Variants in GUF1 observed in about 807,000 individuals in gnomAD.
GUF1 encodes the protein GTP binding elongation factor GUF1.
GUF1 carries 78 observed loss-of-function variants against 82.4 expected under a neutral mutation model. That is an observed-to-expected ratio of 0.95 (90% confidence interval 0.79 to 1.14). The LOEUF (loss-of-function observed/expected upper bound fraction) is 1.14. GUF1 is among the 50% of genes most tolerant of loss of function. The pLI, the probability that GUF1 is intolerant of heterozygous loss-of-function variation, is 0.00. For missense variants in GUF1, 814 were observed against 798.2 expected (o/e 1.02, Z -0.24); for synonymous variants, 279 against 282.3 (o/e 0.99, Z 0.12).
In GUF1 at chr4:44,689,295, C is replaced by T. The variant is rs1221168816; in HGVS notation, c.1088C>T (p.Pro363Leu). ...ATCATTGTATCCCCAGGAATGTATC[C>T]TCTAGACCAATCTGAATATAACAAT... is the stretch of plus-strand genomic sequence containing the variant. ...AKPMVFAGMYPLDQSEYNNLK... is the reference protein window; with the variant it reads ...AKPMVFAGMYLLDQSEYNNLK... The change falls in exon 10 of 17, where the codon CCT (proline) becomes CTT (leucine). Residue 363 changes from proline to leucine, a missense_variant. Pro to Leu is a moderately conservative substitution (Grantham distance 98, BLOSUM62 -3). Transcript: ENST00000281543. 1 of 1,603,028 alleles carries T rather than the reference C, an allele frequency of 6.2e-7. No individual in the cohort carries two copies. The highest frequency in any genetic ancestry group is 2.3e-5 in the East Asian group (1 of 44,338).
Position 44,683,287 on chromosome 4 carries a change from T to C in GUF1, c.638T>C (p.Val213Ala). The C allele has an allele frequency of 6.3e-7, 1 of 1,584,436 alleles. No individual in the cohort carries two copies. The highest frequency in any genetic ancestry group is 2.3e-5 in the East Asian group (1 of 43,640). Residue 213 changes from valine to alanine, a missense_variant, in exon 6 of 17, where the codon GTG becomes GCG. Coordinates refer to ENST00000281543, the MANE Select transcript of GUF1 (RefSeq NM_021927.3). ...PERVENQIEKVFDIPSDECIK... is the reference protein window; with the variant it reads ...PERVENQIEKAFDIPSDECIK... ...AGGGTTGAAAACCAAATTGAGAAAGTGTTTGATATTCCAAGTGATGAATGT... is the reference window on the plus strand; with the variant it reads ...AGGGTTGAAAACCAAATTGAGAAAGCGTTTGATATTCCAAGTGATGAATGT...
At chr4:44,685,906 A>G in intron 6 of GUF1, 53 bp from the exon 7 acceptor site, 1 of 1,257,516 alleles carries the variant, frequency 8.0e-7, no homozygotes, top group South Asian at 1.2e-5. Flanking sequence ...ATCAAGATAG[A>G]AAAGTATAGT....
rs1716121329 is a variant in GUF1 at position 44,699,995 on chromosome 4, T to G, written c.*1314T>G. 1.3e-5 allele frequency: 2 copies of G among 152,212 alleles called. No individual in the cohort carries two copies. The highest frequency in any genetic ancestry group is 1.3e-4 in the Admixed American group (2 of 15,284). The allele number at this position is 152,212 out of a possible 1,614,324, so 9.4% of individuals were successfully genotyped here. A position where few individuals can be genotyped will look rare whatever the true frequency, so the allele number is the denominator to read the frequency against. ...TCTCCAGAGCTCTCAGCTCCCATGT[T>G]TATTCAGCCAACGAACAAACCAGAC... On this transcript the variant is annotated 3_prime_UTR_variant, in exon 17 of 17. Transcript: ENST00000281543.
At chr4:44,689,698 A>T in intron 10 of GUF1, 145 bp from the exon 11 acceptor site, 1 of 704,768 alleles carries the variant, frequency 1.4e-6, no homozygotes, top group Non-Finnish European at 2.2e-6. Flanking sequence ...ATTTAATAAA[A>T]TTATGCTAGC....
Position 44,697,412 on chromosome 4 carries a change from A to G in GUF1, c.1840A>G (p.Lys614Glu). The G allele has an allele frequency of 6.4e-7, 1 of 1,562,960 alleles. No individual in the cohort carries two copies. The highest frequency in any genetic ancestry group is 8.7e-7 in the Non-Finnish European group (1 of 1,143,862). ...ACGAATTTTTCTCTTTTACAGTGTG[A>G]AAGCCTATAGGAAAAACGTTTTGGC... ...GSKIIARETV[K>E]AYRKNVLAKC... Residue 614 changes from lysine (K) to glutamate (E), a missense_variant, in exon 16 of 17, where the codon AAA becomes GAA. Coordinates refer to ENST00000281543, the MANE Select transcript of GUF1 (RefSeq NM_021927.3).
chr4:44,689,403 G>C lies in GUF1; in HGVS notation c.1196G>C (p.Gly399Ala). ...GATAGTAGCCTTGCTCTGGGTGCTGGCTGGAGGTAAGATTCATTCACATGT... is the reference window on the plus strand; with the variant it reads ...GATAGTAGCCTTGCTCTGGGTGCTGCCTGGAGGTAAGATTCATTCACATGT... ...HRDSSLALGA[G>A]WRLGFLGLLH... is the part of the protein sequence containing the mutation. Residue 399 changes from glycine to alanine, a missense_variant, in exon 10 of 17, where the codon GGC becomes GCC. By Grantham distance (60) the Gly-to-Ala change is moderately conservative (BLOSUM62 0). Transcript: ENST00000281543. 6.2e-7 allele frequency: 1 copy of C among 1,603,084 alleles called. No individual in the cohort carries two copies. The highest frequency in any genetic ancestry group is 1.1e-5 in the South Asian group (1 of 89,742).
Position 44,686,527 on chromosome 4 carries a change from A to G in GUF1, c.752A>G (p.Lys251Arg). 6.2e-7 allele frequency: 1 copy of G among 1,611,394 alleles called. No individual in the cohort carries two copies. The highest frequency in any genetic ancestry group is 1.1e-5 in the South Asian group (1 of 90,866). Residue 251 changes from lysine to arginine, a missense_variant, in exon 8 of 17, where the codon AAA (lysine) becomes AGA (arginine). Lys to Arg is a conservative substitution (Grantham distance 26). Coordinates refer to ENST00000281543, the MANE Select transcript of GUF1 (RefSeq NM_021927.3). ...TTTACTAGTCCTAAAGTGCATCGCA[A>G]AAATCCTCTGAGAGCTTTGGTATTT... is the stretch of plus-strand genomic sequence containing the variant. ...ERIPPPKVHR[K>R]NPLRALVFDS...
chr4:44,691,272 A>T (rs1560346425), intron 12 of GUF1, among the ~76,000 whole-genome samples: 1 of 151,698 alleles, frequency 6.6e-6, no homozygotes, highest in South Asian at 2.1e-4. Context: ...ATATTCCTTA[A>T]AAATACCTAT....
At position 44,694,463 on chromosome 4, in the gene GUF1, T is replaced by A. The variant is rs747501216; in HGVS notation, c.1665T>A (p.Asp555Glu). Reference protein sequence around the residue: ...GYQTAELVKMDILLNGNTVEE... With the variant: ...GYQTAELVKMEILLNGNTVEE... Reference sequence around the variant, plus strand: ...AGACTGCAGAACTTGTAAAAATGGATATTCTACTGAATGGAAATACTGTAG... The same window carrying A: ...AGACTGCAGAACTTGTAAAAATGGAAATTCTACTGAATGGAAATACTGTAG... Residue 555 changes from aspartate (D) to glutamate (E), a missense_variant, in exon 14 of 17, where the codon GAT becomes GAA. Coordinates refer to ENST00000281543, the MANE Select transcript of GUF1 (RefSeq NM_021927.3). 1 of 1,612,450 alleles carries A rather than the reference T, an allele frequency of 6.2e-7. No individual in the cohort carries two copies. Among genetic ancestry groups the A allele is most frequent in the Non-Finnish European group, 8.5e-7 (1 of 1,178,842 alleles).
At chr4:44,695,817 T>C in intron 15 of GUF1, 83 bp downstream of exon 15, 1 of 1,360,866 alleles carries the variant, frequency 7.3e-7, no homozygotes. Context: ...ACATTTTAAT[T>C]TAACATTGGC....
chr4:44,687,060 A>G (rs765059430), intron 8 of GUF1, among the ~76,000 whole-genome samples: 16 of 151,978 alleles, frequency 1.1e-4, no homozygotes, highest in Non-Finnish European at 1.6e-4. Context: ...AGATTTTCCA[A>G]TGTAAAGGTG....
chr4:44,690,587 A>G (rs1715369878), intron 11 of GUF1, 130 bp from the exon 12 acceptor site: 3 of 532,214 alleles, frequency 5.6e-6, no homozygotes, highest in Non-Finnish European at 1.0e-5. Context: ...ATTGGAATAT[A>G]TTGTTTACTA....
In GUF1 at chr4:44,678,764, C is replaced by T. The variant is rs770017358; in HGVS notation, c.142C>T (p.Leu48Phe). 3 of 1,553,368 alleles carry T rather than the reference C, an allele frequency of 1.9e-6. No homozygotes were observed. Among genetic ancestry groups the T allele is most frequent in the Non-Finnish European group, 2.6e-6 (3 of 1,156,832 alleles). The change falls in exon 1 of 17, where the codon CTC becomes TTC. Residue 48 changes from leucine to phenylalanine, a missense_variant. Coordinates refer to ENST00000281543, the MANE Select transcript of GUF1 (RefSeq NM_021927.3). ...TCCAGAGTCCTGGGCTACCGACAGG[C>T]TCTACAGCTCCGCAGAATTCAAGGT... is the stretch of plus-strand genomic sequence containing the variant. ...AAPESWATDR[L>F]YSSAEFKEKL...
At chr4:44,693,073 G>A (rs748937741) in intron 13 of GUF1, among the ~76,000 whole-genome samples, 1 of 151,912 alleles carries the variant, frequency 6.6e-6, no homozygotes, top group Non-Finnish European at 1.5e-5. Context: ...AGGTAATTAT[G>A]TTCAAGATGG....
rs756764342 is a variant in GUF1 at position 44,680,516 on chromosome 4, A to T, written c.241A>T (p.Lys81Ter). The T allele has an allele frequency of 6.2e-7, 1 of 1,609,626 alleles. No homozygotes were observed. The highest frequency in any genetic ancestry group is 8.5e-7 in the Non-Finnish European group (1 of 1,177,356). ...TATTGTTGCACACGTGGATCATGGC[A>T]AAAGTACTTTAGCTGACAGGCTCCT... is the stretch of plus-strand genomic sequence containing the variant. The part of the protein sequence containing the change: ...FSIVAHVDHG[K>*]STLADRLLEL... Residue 81 changes from lysine to a stop codon, truncating the protein, a stop_gained, in exon 2 of 17, where the codon AAA becomes TAA. Transcript: ENST00000281543. LOFTEE classifies it high-confidence loss of function.
intron 11 of GUF1, 36 bp downstream of exon 11, chr4:44,690,011 T>C (rs963250717): frequency 3.1e-5 from 46 of 1,479,966 alleles, no homozygotes; most frequent in Non-Finnish European, 3.5e-5. Context: ...TAGTACTGTT[T>C]TGCATTAGTC....
chr4:44,684,104 C>T (rs1345269514), intron 6 of GUF1, among the ~76,000 whole-genome samples: 1 of 152,138 alleles, frequency 6.6e-6, no homozygotes, highest in East Asian at 1.9e-4. Context: ...TTCCTTTCTG[C>T]AGACAGTCAA....
intron 7 of GUF1, 132 bp from the exon 8 acceptor site, chr4:44,686,378 G>A: frequency 2.0e-6 from 1 of 504,872 alleles, no homozygotes. Flanking sequence ...TTTATAAAAA[G>A]GTCTTTTTAT....
intron 8 of GUF1, 75 bp downstream of exon 8, chr4:44,686,788 T>C: frequency 1.0e-6 from 1 of 956,984 alleles, no homozygotes; most frequent in Non-Finnish European, 1.7e-6. Flanking sequence ...CAACTTGGTA[T>C]GCTTAGAATG....
Sources: allele counts gnomAD v4.1 joint callset (sites outside exome capture counted in the v4.1 genomes callset), GRCh38; gene constraint gnomAD v4.1.1; transcripts MANE v1.5; gene names NCBI Gene and HGNC (gene_info 2026-07-23, HGNC 2026-07-21).